The following NAALADL2 variants were observed in gnomAD, a reference collection of about 807,000 sequenced individuals.
NAALADL2 encodes the protein inactive N-acetylated-alpha-linked acidic dipeptidase-like protein 2.
In NAALADL2, 76 loss-of-function variants were observed where a neutral mutation model predicts 87.2. The ratio of observed to expected loss-of-function variants is 0.87; its 90% CI spans 0.72 to 1.05. NAALADL2 has a LOEUF of 1.05. NAALADL2 is among the 50% of genes least tolerant of loss of function. The pLI, the probability that NAALADL2 is intolerant of heterozygous loss-of-function variation, is 0.00. For missense variants in NAALADL2, 1,089 were observed against 945.8 expected, an observed-to-expected ratio of 1.15 and a Z score of -1.99; for synonymous variants, 354 against 331.0, an observed-to-expected ratio of 1.07 and a Z score of -0.75.
At chr3:175,690,002 C>A (rs770001164) in intron 11 of NAALADL2, among the ~76,000 whole-genome samples, 6 of 151,972 alleles carry the variant, frequency 3.9e-5, no homozygotes, top group South Asian at 2.1e-4. Flanking sequence ...AACCACGGAG[C>A]TTTCATAATA....
chr3:175,302,551 TAGAAC>T (rs1290336183), intron 4 of NAALADL2, among the ~76,000 whole-genome samples: 2 of 152,160 alleles, frequency 1.3e-5, no homozygotes, highest in African/African-American at 4.8e-5. Context: ...GCTAAATTGA[TAGAAC>T]AGACATTCTG....
chr3:175,104,233 C>G (rs1482400778), intron 2 of NAALADL2, among the ~76,000 whole-genome samples: 1 of 152,222 alleles, frequency 6.6e-6, no homozygotes, highest in East Asian at 1.9e-4. Context: ...TATACATTAC[C>G]TCCAGTCTTA....
intron 2 of NAALADL2, among the ~76,000 whole-genome samples, chr3:174,645,204 A>G (rs1723654199): frequency 6.6e-6 from 1 of 152,180 alleles, no homozygotes; most frequent in Non-Finnish European, 1.5e-5. Flanking sequence ...TGTATACCAC[A>G]TTGAGGAAAG....
chr3:174,855,476 T>C (rs77187593), upstream of NAALADL2, among the ~76,000 whole-genome samples: 586 of 152,244 alleles, frequency 3.8e-3, 2 homozygotes, highest in African/African-American at 0.014. Context: ...TCTTATATCC[T>C]TCTAACTCTT....
At chr3:175,323,312 G>C (rs1439582178) in intron 4 of NAALADL2, among the ~76,000 whole-genome samples, 1 of 131,450 alleles carries the variant, frequency 7.6e-6, no homozygotes, top group Non-Finnish European at 1.6e-5. Context: ...CACAGGAAGG[G>C]GAATATCACA....
At chr3:175,497,057 G>A (rs77050096) in intron 9 of NAALADL2, among the ~76,000 whole-genome samples, 5,273 of 152,060 alleles carry the variant, frequency 0.035, 325 homozygotes, top group African/African-American at 0.12. Context: ...ACCAAATGGC[G>A]TGTAGTGTTT....
At chr3:174,834,773 CAG>C (rs1265337484) in intron 3 of NAALADL2, among the ~76,000 whole-genome samples, 1 of 151,554 alleles carries the variant, frequency 6.6e-6, no homozygotes, top group African/African-American at 2.4e-5. Flanking sequence ...TAAAATGTTT[CAG>C]AGAGAAATTG....
chr3:174,511,405 T>G (rs1719593595), intron 1 of NAALADL2, among the ~76,000 whole-genome samples: 1 of 152,062 alleles, frequency 6.6e-6, no homozygotes, highest in Non-Finnish European at 1.5e-5. Context: ...TTTATCACTG[T>G]GTAACTCTCT....
At chr3:174,835,099 A>G (rs1723176192) in intron 3 of NAALADL2, among the ~76,000 whole-genome samples, 1 of 152,034 alleles carries the variant, frequency 6.6e-6, no homozygotes, top group South Asian at 2.1e-4. Context: ...AAGCATATGG[A>G]CCCATGGAAC....
intron 9 of NAALADL2, among the ~76,000 whole-genome samples, chr3:175,505,598 G>A (rs929078287): frequency 2.0e-5 from 3 of 152,046 alleles, no homozygotes; most frequent in Admixed American, 6.5e-5. Context: ...TGAAATGTAC[G>A]TAAGCTGAGG....
chr3:174,961,097 T>C, intron 1 of NAALADL2, among the ~76,000 whole-genome samples: 1 of 147,882 alleles, frequency 6.8e-6, no homozygotes, highest in East Asian at 1.9e-4. Context: ...AATATTAATA[T>C]AATATATAAC....
chr3:175,414,724 T>A (rs1250916158), intron 5 of NAALADL2, among the ~76,000 whole-genome samples: 1 of 152,162 alleles, frequency 6.6e-6, no homozygotes, highest in Non-Finnish European at 1.5e-5. Context: ...TGCAGACATA[T>A]CAAAAGAGCA....
chr3:175,754,636 A>G (rs1346075962), intron 12 of NAALADL2, among the ~76,000 whole-genome samples: 2 of 152,230 alleles, frequency 1.3e-5, no homozygotes, highest in African/African-American at 4.8e-5. Flanking sequence ...TCAAGAGAAA[A>G]GATCACAACT....
chr3:175,402,438 TG>T (rs755429171), intron 5 of NAALADL2, among the ~76,000 whole-genome samples: 2 of 152,102 alleles, frequency 1.3e-5, no homozygotes, highest in Non-Finnish European at 2.9e-5. Flanking sequence ...TCATTGCAAA[TG>T]ATTCAGTTCT....
At chr3:175,756,948 GTA>G (rs1194423962) in intron 13 of NAALADL2, among the ~76,000 whole-genome samples, 25 of 150,872 alleles carry the variant, frequency 1.7e-4, no homozygotes, top group African/African-American at 6.1e-4. Context: ...TTTAATGTAT[GTA>G]TATGTGTATA....
intron 9 of NAALADL2, among the ~76,000 whole-genome samples, chr3:175,537,472 TA>T (rs1711506421): frequency 6.6e-6 from 1 of 152,248 alleles, no homozygotes; most frequent in South Asian, 2.1e-4. Flanking sequence ...TAAAGGTTTA[TA>T]TTGACTTTTA....
intron 3 of NAALADL2, among the ~76,000 whole-genome samples, chr3:174,853,012 A>C (rs1579209144): frequency 6.6e-6 from 1 of 151,974 alleles, no homozygotes; most frequent in African/African-American, 2.4e-5. Flanking sequence ...CTACATGCAT[A>C]AAAATTAAAC....
intron 1 of NAALADL2, among the ~76,000 whole-genome samples, chr3:174,873,599 G>A (rs937416339): frequency 2.0e-5 from 3 of 151,898 alleles, no homozygotes; most frequent in Admixed American, 6.6e-5. Context: ...GGGTTATGTG[G>A]AATAATATGC....
chr3:175,102,563 C>T (rs764937912), intron 2 of NAALADL2, among the ~76,000 whole-genome samples: 2 of 151,986 alleles, frequency 1.3e-5, no homozygotes, highest in Non-Finnish European at 2.9e-5. Flanking sequence ...TATGGTACGC[C>T]ATCTCTTTGG....
Sources: gnomAD v4.1 joint callset for allele counts (sites outside exome capture counted in the v4.1 genomes callset) on GRCh38, gnomAD v4.1.1 for gene constraint, MANE v1.5 for transcripts, NCBI Gene and HGNC (gene_info 2026-07-23, HGNC 2026-07-21) for gene names.